The following MRRF variants were observed in gnomAD, a reference collection of about 807,000 sequenced individuals.
MRRF encodes the protein ribosome-recycling factor, mitochondrial.
MRRF carries 18 observed loss-of-function variants against 25.1 expected under a neutral mutation model. The observed-to-expected ratio is 0.72, with a 90% confidence interval of 0.50 to 1.06. The LOEUF is 1.06. Among genes scored for constraint, MRRF ranks in the 50% least tolerant of loss-of-function variants. The probability of loss-of-function intolerance (pLI) is 0.00; values close to 1 mark genes in which losing one functional copy is unlikely to be tolerated. For synonymous variants in MRRF, 113 were observed against 112.1 expected (o/e 1.01, Z -0.05); for missense variants, 323 against 319.3 (o/e 1.01, Z -0.09).
chr9:122,287,073 G>A (rs1373105177), intron 4 of MRRF, among the ~76,000 whole-genome samples: 1 of 152,150 alleles, frequency 6.6e-6, no homozygotes, highest in Non-Finnish European at 1.5e-5. Context: ...TTGGATCATG[G>A]CTTAAACGTC....
At chr9:122,298,643 A>G (rs1240914651) in intron 5 of MRRF, among the ~76,000 whole-genome samples, 1 of 152,226 alleles carries the variant, frequency 6.6e-6, no homozygotes, top group Non-Finnish European at 1.5e-5. Flanking sequence ...GGACATTCGT[A>G]AATTTACTCA....
chr9:122,272,494 T>C (rs1209002552), intron 2 of MRRF, among the ~76,000 whole-genome samples: 1 of 151,564 alleles, frequency 6.6e-6, no homozygotes, highest in African/African-American at 2.4e-5. Flanking sequence ...AATGAGACCT[T>C]GCCTCTTAAA....
chr9:122,305,083 A>G (rs1052730659), intron 5 of MRRF, among the ~76,000 whole-genome samples: 1 of 152,084 alleles, frequency 6.6e-6, no homozygotes, highest in Non-Finnish European at 1.5e-5. Flanking sequence ...CTGGGAATAC[A>G]GGCATGCCCC....
intron 5 of MRRF, among the ~76,000 whole-genome samples, chr9:122,301,726 A>G (rs960021292): frequency 6.6e-6 from 1 of 151,248 alleles, no homozygotes; most frequent in African/African-American, 2.4e-5. Context: ...ACTTTTCTGC[A>G]TGGTGATTTT....
At chr9:122,316,169 ATAT>A (rs1167505456) in intron 6 of MRRF, among the ~76,000 whole-genome samples, 11 of 151,980 alleles carry the variant, frequency 7.2e-5, no homozygotes, top group Admixed American at 7.2e-4. Flanking sequence ...CTTTCTAAAC[ATAT>A]TATTATTTAA....
chr9:122,308,850 A>G (rs1208185510), intron 5 of MRRF, among the ~76,000 whole-genome samples: 2 of 152,150 alleles, frequency 1.3e-5, no homozygotes, highest in African/African-American at 4.8e-5. Flanking sequence ...CTACAGGCGC[A>G]TACCATGACA....
intron 3 of MRRF, among the ~76,000 whole-genome samples, chr9:122,283,328 C>T (rs1215011100): frequency 2.0e-5 from 3 of 151,964 alleles, no homozygotes; most frequent in Non-Finnish European, 2.9e-5. Flanking sequence ...CTCCTGACCT[C>T]GTGATCCACC....
chr9:122,315,263 T>A (rs1244007775), intron 6 of MRRF, among the ~76,000 whole-genome samples: 4 of 152,164 alleles, frequency 2.6e-5, no homozygotes, highest in Non-Finnish European at 5.9e-5. Flanking sequence ...GCAGTCCTCC[T>A]GTAGCTGGGA....
At chr9:122,295,751 G>C (rs1348577766) in intron 5 of MRRF, among the ~76,000 whole-genome samples, 1 of 151,980 alleles carries the variant, frequency 6.6e-6, no homozygotes, top group Non-Finnish European at 1.5e-5. Context: ...TGGCCCCTTA[G>C]ATCAGTTTCT....
intron 5 of MRRF, among the ~76,000 whole-genome samples, chr9:122,309,698 TG>T (rs1375426759): frequency 1.3e-5 from 2 of 152,248 alleles, no homozygotes; most frequent in Non-Finnish European, 2.9e-5. Flanking sequence ...CCTTGCCAAA[TG>T]GTAAACTCCT....
At chr9:122,265,705 G>C (rs1380274390) in intron 1 of MRRF, 6 of 1,257,818 alleles carry the variant, frequency 4.8e-6, no homozygotes, top group Admixed American at 2.3e-5. Flanking sequence ...TCACAAGTCA[G>C]TGGTAGAGCT....
chr9:122,308,647 C>T lies in MRRF; in HGVS notation c.552-4580C>T, dbSNP rs551202312. Among the ~76,000 whole-genome samples, 7 of 140,538 alleles carry T rather than the reference C, an allele frequency of 5.0e-5. No individual in the cohort carries two copies. The South Asian group carries it at 8.8e-4, about 18-fold the overall frequency. 92.2% of individuals were successfully genotyped at this position (140,538 alleles called of 152,430 possible). On this transcript the variant is annotated intron_variant, in intron 5 of 6. Transcript: ENST00000344641. ...CCAGGAGGCGGAGGTGGCAGTGAGC[C>T]GAGATCACACCACTGCACTCCAGCC...
intron 3 of MRRF, 37 bp downstream of exon 3, chr9:122,280,635 A>G (rs777634495): frequency 5.0e-6 from 8 of 1,604,370 alleles, no homozygotes; most frequent in Non-Finnish European, 6.8e-6. Flanking sequence ...GAGGGATGTA[A>G]TGGAAAGAGC....
intron 6 of MRRF, 49 bp from the exon 7 acceptor site, chr9:122,322,491 C>A: frequency 2.6e-6 from 4 of 1,523,192 alleles, no homozygotes; most frequent in Non-Finnish European, 9.1e-7. Context: ...CATCCCCCTA[C>A]CCTTTTCCAG....
rs1835959501 is a variant in MRRF, at chr9:122,322,615, T to C, written c.787T>C (p.Ter263ArgextTer44). ...AGTGAAGACCAAAGAACTCCTTGGA[T>C]GAAAGTCCACTGGGGCCAGCAATAC... ...LAVKTKELLG[*>R] The change falls in exon 7 of 7, where the codon TGA becomes CGA. Residue 263 changes from the stop codon to arginine, a stop_lost. Coordinates refer to ENST00000344641, the MANE Select transcript of MRRF (RefSeq NM_138777.5). The C allele has an allele frequency of 6.2e-7, 1 of 1,613,944 alleles. No individual in the cohort carries two copies. Among genetic ancestry groups the C allele is most frequent in the South Asian group, 1.1e-5 (1 of 91,084 alleles).
intron 6 of MRRF, among the ~76,000 whole-genome samples, chr9:122,315,063 T>G (rs917678003): frequency 1.3e-5 from 2 of 151,210 alleles, no homozygotes; most frequent in Non-Finnish European, 2.9e-5. Flanking sequence ...ATTTTACTAG[T>G]AGGACAGCCA....
intron 5 of MRRF, among the ~76,000 whole-genome samples, chr9:122,293,921 G>T (rs559992218): frequency 7.5e-4 from 114 of 152,298 alleles, no homozygotes; most frequent in African/African-American, 2.7e-3. Context: ...ACCAGTAAAT[G>T]GCAGTCAGGA....
At chr9:122,285,094 C>A in intron 3 of MRRF, 75 bp from the exon 4 acceptor site, 1 of 932,676 alleles carries the variant, frequency 1.1e-6, no homozygotes, top group Non-Finnish European at 1.7e-6. Context: ...CAACCTGAAT[C>A]TGAATTAGAT....
intron 6 of MRRF, among the ~76,000 whole-genome samples, chr9:122,322,183 A>G (rs1405712380): frequency 2.0e-5 from 3 of 151,782 alleles, no homozygotes; most frequent in African/African-American, 7.3e-5. Flanking sequence ...GCACGGTGAA[A>G]CCCCATCTCT....
Sources: allele counts gnomAD v4.1 joint callset (sites outside exome capture counted in the v4.1 genomes callset), GRCh38; gene constraint gnomAD v4.1.1; transcripts MANE v1.5; gene names NCBI Gene and HGNC (gene_info 2026-07-23, HGNC 2026-07-21).